Variants in TP53BP1 observed in about 807,000 individuals in gnomAD.
The protein encoded by TP53BP1 is TP53-binding protein 1.
In TP53BP1, 61 loss-of-function variants were observed where a neutral mutation model predicts 200.8. The observed-to-expected ratio is 0.30, with a 90% CI of 0.25 to 0.38. TP53BP1 has a LOEUF of 0.38. Ranked by LOEUF, TP53BP1 falls within the 10% of genes least tolerant of loss-of-function variation. The pLI is 1.00. For missense variants in TP53BP1, 2,144 were observed against 2,371.9 expected (o/e 0.90, Z 2.00); for synonymous variants, 822 against 844.3 (o/e 0.97, Z 0.46).
In TP53BP1 at chr15:43,459,206, T is replaced by C. The variant is rs138555779; in HGVS notation, c.1390-1988A>G. 5.5e-4 allele frequency among the ~76,000 whole-genome samples: 83 copies of C among 152,128 alleles called. 1 individual carries two copies. The highest frequency in any genetic ancestry group is 1.9e-3 in the African/African-American group (80 of 41,498). On this transcript the variant is annotated intron_variant, in intron 11 of 27. Coordinates refer to ENST00000382044, the MANE Select transcript of TP53BP1 (RefSeq NM_001141980.3). ...TACAAAAATTAGCTGGGCATGGTGG[T>C]GCACACCTGTGATCCCAGCTACCCA...
chr15:43,418,163 G>A (rs2045310321), intron 21 of TP53BP1, among the ~76,000 whole-genome samples: 1 of 135,176 alleles, frequency 7.4e-6, no homozygotes, highest in Non-Finnish European at 1.6e-5. Context: ...CTGGGCGACA[G>A]AGCAAGGCTC....
intron 24 of TP53BP1, among the ~76,000 whole-genome samples, chr15:43,410,202 G>A (rs2045072036): frequency 6.6e-6 from 1 of 152,082 alleles, no homozygotes; most frequent in South Asian, 2.1e-4. Flanking sequence ...TATATATGAA[G>A]GGTTTATTAT....
chr15:43,504,409 G>A (rs2079225635), intron 1 of TP53BP1, among the ~76,000 whole-genome samples: 2 of 152,262 alleles, frequency 1.3e-5, no homozygotes, highest in African/African-American at 2.4e-5. Context: ...CCTATAAGGT[G>A]GGGTGCTATT....
intron 23 of TP53BP1, among the ~76,000 whole-genome samples, chr15:43,414,364 A>G (rs1425451132): frequency 2.6e-5 from 4 of 152,218 alleles, no homozygotes; most frequent in Non-Finnish European, 5.9e-5. Flanking sequence ...TCATACAGTA[A>G]ATATTCAATG....
chr15:43,423,326 G>C (rs1327829826), intron 18 of TP53BP1, among the ~76,000 whole-genome samples: 1 of 151,586 alleles, frequency 6.6e-6, no homozygotes, highest in African/African-American at 2.4e-5. Context: ...AGGATATGGA[G>C]ATGTATAAGA....
rs141912996 is a variant in TP53BP1, at chr15:43,444,194, C to T, written c.3040+2193G>A. Among the ~76,000 whole-genome samples the T allele has an allele frequency of 5.3e-5, 8 of 152,332 alleles. No homozygotes were observed. The East Asian group carries it at 1.3e-3, about 26-fold the overall frequency. ...TTTACTGATATAACCATCCTTAACA[C>T]TTCGCTAGTTGTAATTTCAGATCCA... On this transcript the variant is annotated intron_variant, in intron 14 of 27. Coordinates refer to ENST00000382044, the MANE Select transcript of TP53BP1 (RefSeq NM_001141980.3).
chr15:43,464,672 G>A (rs2046524539), intron 11 of TP53BP1, among the ~76,000 whole-genome samples: 2 of 152,046 alleles, frequency 1.3e-5, no homozygotes, highest in South Asian at 4.1e-4. Flanking sequence ...GGGAGGCCGA[G>A]ACAGGCGGAT....
chr15:43,488,968 T>C (rs1451757200), intron 4 of TP53BP1, among the ~76,000 whole-genome samples: 1 of 152,236 alleles, frequency 6.6e-6, no homozygotes, highest in Admixed American at 6.5e-5. Flanking sequence ...TCATGGCCTA[T>C]GCACACACAG....
chr15:43,489,855 A>C (rs1490211600), intron 4 of TP53BP1, among the ~76,000 whole-genome samples: 1 of 152,094 alleles, frequency 6.6e-6, no homozygotes, highest in African/African-American at 2.4e-5. Flanking sequence ...TTACTTGATG[A>C]TTTGTGAGAA....
chr15:43,492,843 A>G (rs2079146935), intron 1 of TP53BP1, among the ~76,000 whole-genome samples, 194 bp downstream of exon 1: 1 of 140,146 alleles, frequency 7.1e-6, no homozygotes. Context: ...GAGGCCCCAC[A>G]GCCTTTCAGC....
Position 43,403,381 on chromosome 15 carries a change from A to G in TP53BP1, c.*4002T>C, listed in dbSNP as rs912991820. 4.9e-5 allele frequency: 11 copies of G among 226,000 alleles called. No individual in the cohort carries two copies. The highest frequency in any genetic ancestry group is 2.5e-4 in the African/African-American group (11 of 43,838). 14.0% of individuals were successfully genotyped at this position (226,000 alleles called of 1,614,324 possible). A position where few individuals can be genotyped will look rare whatever the true frequency, so the allele number is the denominator to read the frequency against. ...CCCGGGCAAAGGGAACAACACTCAC[A>G]GCTCAGAGGCAGGAAGACACTCTGC... On this transcript the variant is annotated 3_prime_UTR_variant, in exon 28 of 28. Coordinates refer to ENST00000382044, the MANE Select transcript of TP53BP1 (RefSeq NM_001141980.3).
In TP53BP1 at chr15:43,469,917, T is replaced by A. The variant is rs765352212; in HGVS notation, c.1330A>T (p.Ser444Cys). ...SPQASTPISQ[S>C]TPVFPPGSLP... ...GACCCAGGAGGGAAGACTGGTGTGC[T>A]CTGAGATATTGGTGTTGAGGCTTGT... is the stretch of plus-strand genomic sequence containing the variant. Residue 444 changes from serine (S) to cysteine (C), a missense_variant, in exon 11 of 28, where the codon AGC (serine) becomes TGC (cysteine). Physicochemically the swap from Ser to Cys is moderately radical, Grantham distance 112 (BLOSUM62 -1). Transcript: ENST00000382044. 6.2e-7 allele frequency: 1 copy of A among 1,614,064 alleles called. No individual in the cohort carries two copies. Among genetic ancestry groups the A allele is most frequent in the Non-Finnish European group, 8.5e-7 (1 of 1,180,020 alleles).
At chr15:43,477,500 T>C in intron 8 of TP53BP1, 93 bp downstream of exon 8, 1 of 1,293,000 alleles carries the variant, frequency 7.7e-7, no homozygotes, top group Non-Finnish European at 1.0e-6. Flanking sequence ...TGCAAACCTA[T>C]AAAATGCTTT....
rs1156412038 is a variant in TP53BP1, at chr15:43,406,881, G to A, written c.*502C>T. 1 of 282,336 alleles carries A rather than the reference G, an allele frequency of 3.5e-6. No homozygotes were observed. Among genetic ancestry groups the A allele is most frequent in the East Asian group, 9.2e-5 (1 of 10,910 alleles). 17.5% of individuals were successfully genotyped at this position (282,336 alleles called of 1,614,324 possible). A position where few individuals can be genotyped will look rare whatever the true frequency, so the allele number is the denominator to read the frequency against. ...TCTAAGAGTTGGGGAGTACCCACAG[G>A]TGAGCTGTGATCTCAGCTCAGAGAG... On this transcript the variant is annotated 3_prime_UTR_variant, in exon 28 of 28. Coordinates refer to ENST00000382044, the MANE Select transcript of TP53BP1 (RefSeq NM_001141980.3).
At chr15:43,461,275 A>G (rs2046422836) in intron 11 of TP53BP1, among the ~76,000 whole-genome samples, 3 of 151,976 alleles carry the variant, frequency 2.0e-5, no homozygotes, top group Non-Finnish European at 4.4e-5. Context: ...GCTGGAGTGC[A>G]GTAATGCGAT....
At chr15:43,485,583 A>AAAAAAAAAAAG (rs2079035893) in intron 4 of TP53BP1, among the ~76,000 whole-genome samples, 1 of 139,594 alleles carries the variant, frequency 7.2e-6, no homozygotes, top group Non-Finnish European at 1.6e-5. Flanking sequence ...TCTCAAAAAA[A>AAAAAAAAAAAG]AAAAAAGAAA....
chr15:43,491,071 C>T (rs547727584), intron 4 of TP53BP1, among the ~76,000 whole-genome samples: 1 of 151,618 alleles, frequency 6.6e-6, no homozygotes, highest in East Asian at 1.9e-4. Context: ...GATAATACTC[C>T]TAAATTTTTT....
At chr15:43,492,949 A>T (rs974404613) in intron 1 of TP53BP1, 88 bp downstream of exon 1, 2 of 1,124,244 alleles carry the variant, frequency 1.8e-6, no homozygotes, top group Non-Finnish European at 1.1e-6. Flanking sequence ...CATGCTTGCC[A>T]CCCCGCCCCC....
chr15:43,478,233 C>T (rs1176632991), intron 7 of TP53BP1, among the ~76,000 whole-genome samples: 1 of 152,168 alleles, frequency 6.6e-6, no homozygotes, highest in South Asian at 2.1e-4. Context: ...AAACCCCAAA[C>T]CAATTCTCCT....
Sources: gnomAD v4.1 joint callset for allele counts (sites outside exome capture counted in the v4.1 genomes callset) on GRCh38, gnomAD v4.1.1 for gene constraint, MANE v1.5 for transcripts, NCBI Gene and HGNC (gene_info 2026-07-23, HGNC 2026-07-21) for gene names.